Variants in WDR7 observed in about 807,000 individuals in gnomAD.
WDR7 encodes the protein WD repeat domain 7.
Under a neutral mutation model 169.4 loss-of-function variants are expected in WDR7, and 46 were observed. The observed-to-expected ratio is 0.27, with a 90% confidence interval of 0.21 to 0.35. The LOEUF is 0.35. Ranked by LOEUF, WDR7 falls within the 10% of genes least tolerant of loss-of-function variation. The pLI is 1.00. For synonymous variants in WDR7, 612 were observed against 666.8 expected, an observed-to-expected ratio of 0.92 and a Z score of 1.27; for missense variants, 1,534 against 1,859.3, an observed-to-expected ratio of 0.83 and a Z score of 3.22.
intron 21 of WDR7, among the ~76,000 whole-genome samples, chr18:56,909,687 A>C (rs1344376631): frequency 6.6e-6 from 1 of 152,116 alleles, no homozygotes; most frequent in African/African-American, 2.4e-5. Flanking sequence ...ATAACAGAAA[A>C]ATATATTAAT....
rs183978067 is a variant in WDR7 at position 56,814,376 on chromosome 18, A to G, written c.3191-1655A>G. 2.0e-5 allele frequency among the ~76,000 whole-genome samples: 3 copies of G among 152,342 alleles called. No individual in the cohort carries two copies. The East Asian group carries it at 5.8e-4, about 29-fold the overall frequency. ...GGAGACTCAGATATTTCAAAGATTT[A>G]TATATTGATTTAATATGAAATAATG... On this transcript the variant is annotated intron_variant, in intron 19 of 27. Transcript: ENST00000254442.
At chr18:56,852,742 A>G (rs1428409400) in intron 20 of WDR7, among the ~76,000 whole-genome samples, 1 of 151,278 alleles carries the variant, frequency 6.6e-6, no homozygotes, top group Non-Finnish European at 1.5e-5. Context: ...ATACATACAC[A>G]TATATGGATA....
intron 26 of WDR7, chr18:57,010,407 T>G (rs1476803661): frequency 2.1e-6 from 1 of 474,720 alleles, no homozygotes; most frequent in East Asian, 1.5e-4. Flanking sequence ...TGAATCATCT[T>G]TAAGTATGGC....
intron 18 of WDR7, among the ~76,000 whole-genome samples, chr18:56,781,301 T>C (rs543735520): frequency 6.6e-6 from 1 of 152,220 alleles, no homozygotes; most frequent in South Asian, 2.1e-4. Flanking sequence ...CCTAATTCTT[T>C]CCATTAGTGT....
chr18:56,863,338 A>G (rs999240529), intron 20 of WDR7, among the ~76,000 whole-genome samples: 3 of 151,784 alleles, frequency 2.0e-5, no homozygotes, highest in Admixed American at 6.6e-5. Context: ...AATATGTTAC[A>G]AATATTGATT....
chr18:56,854,850 G>A lies in WDR7; in HGVS notation c.3305-25094G>A, dbSNP rs1372204810. Among the ~76,000 whole-genome samples, 58 of 152,260 alleles carry A rather than the reference G, an allele frequency of 3.8e-4. 1 individual carries two copies. Among genetic ancestry groups the A allele is most frequent in the Non-Finnish European group, 4.4e-5 (3 of 68,032 alleles). Reference sequence around the variant, plus strand: ...AAAGAGAGGGCAGGGGAAGCTCAGAGAGATTCTGTTTTCTGAGGGCTGCTT... The same window carrying A: ...AAAGAGAGGGCAGGGGAAGCTCAGAAAGATTCTGTTTTCTGAGGGCTGCTT... On this transcript the variant is annotated intron_variant, in intron 20 of 27. Transcript: ENST00000254442.
chr18:56,811,885 T>C (rs554912441), intron 19 of WDR7, among the ~76,000 whole-genome samples: 3 of 152,316 alleles, frequency 2.0e-5, no homozygotes, highest in Non-Finnish European at 4.4e-5. Flanking sequence ...TTTATATGTC[T>C]TAAAATGGGG....
chr18:56,956,745 T>A (rs1417066144), intron 25 of WDR7, among the ~76,000 whole-genome samples: 4 of 152,156 alleles, frequency 2.6e-5, no homozygotes, highest in Non-Finnish European at 4.4e-5. Flanking sequence ...GTATGCATGA[T>A]GAATAAAGGG....
At chr18:56,729,490 C>T (rs576714691) in intron 13 of WDR7, among the ~76,000 whole-genome samples, 30 of 152,102 alleles carry the variant, frequency 2.0e-4, no homozygotes, top group African/African-American at 7.0e-4. Flanking sequence ...TATGAATACT[C>T]TTCTCTAACT....
chr18:56,934,240 G>A (rs761271659), intron 22 of WDR7, among the ~76,000 whole-genome samples: 16 of 152,140 alleles, frequency 1.1e-4, no homozygotes, highest in Non-Finnish European at 2.4e-4. Context: ...GTATTAAGCA[G>A]TCTAGCCCCA....
At chr18:56,991,210 G>A (rs556538741) in intron 26 of WDR7, among the ~76,000 whole-genome samples, 2 of 144,816 alleles carry the variant, frequency 1.4e-5, no homozygotes, top group African/African-American at 2.6e-5. Flanking sequence ...GAAGTGGCAC[G>A]ATCGCGGCTC....
At chr18:56,721,305 A>T (rs1367122214) in intron 13 of WDR7, 1 of 152,168 alleles carries the variant, frequency 6.6e-6, no homozygotes, top group Non-Finnish European at 1.5e-5. Context: ...AGCATGTTTA[A>T]ACATTTTTTT....
intron 7 of WDR7, among the ~76,000 whole-genome samples, chr18:56,689,792 A>C (rs1321193374): frequency 7.2e-6 from 1 of 139,634 alleles, no homozygotes; most frequent in Non-Finnish European, 1.7e-5. Flanking sequence ...AATTAATACT[A>C]TATTGTTCTA....
At chr18:56,806,632 A>G (rs145611795) in intron 19 of WDR7, among the ~76,000 whole-genome samples, 2,117 of 152,248 alleles carry the variant, frequency 0.014, 30 homozygotes, top group East Asian at 0.035. Flanking sequence ...TTACATTGCT[A>G]CAGGAGAGCC....
intron 20 of WDR7, among the ~76,000 whole-genome samples, chr18:56,849,951 C>G (rs896122697): frequency 1.3e-5 from 2 of 152,160 alleles, no homozygotes; most frequent in Admixed American, 6.5e-5. Flanking sequence ...TGATCTGCTC[C>G]TGTGTGCCTC....
intron 21 of WDR7, among the ~76,000 whole-genome samples, chr18:56,908,071 A>G (rs765891810): frequency 3.9e-5 from 6 of 152,126 alleles, no homozygotes; most frequent in Non-Finnish European, 7.4e-5. Context: ...TTAAGCTTGT[A>G]TAGTTAGATT....
intron 20 of WDR7, among the ~76,000 whole-genome samples, chr18:56,848,325 C>T (rs1201598023): frequency 6.6e-6 from 1 of 152,202 alleles, no homozygotes; most frequent in Non-Finnish European, 1.5e-5. Context: ...ATGCCTGTAG[C>T]ACCATTCTCT....
chr18:56,694,299 A>G (rs1042772803), intron 9 of WDR7, among the ~76,000 whole-genome samples: 4 of 150,060 alleles, frequency 2.7e-5, no homozygotes, highest in Non-Finnish European at 5.9e-5. Context: ...AATAATAGGC[A>G]GTTAAATTGC....
intron 21 of WDR7, among the ~76,000 whole-genome samples, chr18:56,883,011 A>G (rs187335120): frequency 1.3e-5 from 2 of 152,052 alleles, no homozygotes; most frequent in Admixed American, 6.6e-5. Context: ...TCGGGAGGTC[A>G]GGAGATTGAG....
Sources: gnomAD v4.1 joint callset for allele counts (sites outside exome capture counted in the v4.1 genomes callset) on GRCh38, gnomAD v4.1.1 for gene constraint, MANE v1.5 for transcripts, NCBI Gene and HGNC (gene_info 2026-07-23, HGNC 2026-07-21) for gene names.